The following CSMD1 variants were observed in gnomAD, a reference collection of about 807,000 sequenced individuals.
CSMD1 encodes the protein CUB and sushi domain-containing protein 1.
CSMD1 carries 213 observed loss-of-function variants against 417.5 expected under a neutral mutation model. The ratio of observed to expected loss-of-function variants is 0.51; its 90% confidence interval spans 0.46 to 0.57. CSMD1 has a LOEUF of 0.57. Ranked by LOEUF, CSMD1 falls within the 20% of genes least tolerant of loss-of-function variation. The pLI is 0.00. For synonymous variants in CSMD1, 2,862 were observed against 1,736.8 expected (o/e 1.65, Z -16.11); for missense variants, 6,923 against 4,529.7 (o/e 1.53, Z -15.17).
chr8:2,989,219 G>C (rs907668649), intron 54 of CSMD1, among the ~76,000 whole-genome samples: 3 of 152,102 alleles, frequency 2.0e-5, no homozygotes, highest in African/African-American at 7.2e-5. Flanking sequence ...AGGTTTTTGA[G>C]TTTTATGCCA....
intron 2 of CSMD1, among the ~76,000 whole-genome samples, chr8:4,553,114 G>A (rs763117344): frequency 5.3e-5 from 8 of 152,158 alleles, no homozygotes; most frequent in Non-Finnish European, 8.8e-5. Context: ...AGTTTTCGAG[G>A]TACCTATGAG....
chr8:3,752,511 G>A lies in CSMD1; in HGVS notation c.931+1419C>T, dbSNP rs553617753. Among the ~76,000 whole-genome samples, 13 of 151,638 alleles carry A rather than the reference G, an allele frequency of 8.6e-5. 1 individual carries two copies. The South Asian group carries it at 1.0e-3, about 12-fold the overall frequency. ...CTCTACTAAAAATACAAAATTAGCC[G>A]GGTGTGGTGGTCTGCACCTGTATTC... On this transcript the variant is annotated intron_variant, in intron 6 of 69. Coordinates refer to ENST00000635120, the MANE Select transcript of CSMD1 (RefSeq NM_033225.6).
intron 1 of CSMD1, among the ~76,000 whole-genome samples, chr8:4,757,320 A>G (rs949604659): frequency 3.9e-5 from 6 of 152,216 alleles, no homozygotes; most frequent in African/African-American, 9.6e-5. Flanking sequence ...CCTGGCTATC[A>G]TGTCTTGAAT....
At chr8:3,689,372 T>G (rs1312130379) in intron 7 of CSMD1, among the ~76,000 whole-genome samples, 1 of 152,250 alleles carries the variant, frequency 6.6e-6, no homozygotes, top group Non-Finnish European at 1.5e-5. Context: ...GCTGATGCCA[T>G]CAGAAATGCC....
intron 11 of CSMD1, among the ~76,000 whole-genome samples, chr8:3,471,357 G>C (rs1219125226): frequency 6.6e-6 from 1 of 152,058 alleles, no homozygotes; most frequent in South Asian, 2.1e-4. Context: ...ACCAGTCCTT[G>C]TCAGAAATTA....
chr8:4,760,634 G>A (rs79150251), intron 1 of CSMD1, among the ~76,000 whole-genome samples: 1 of 152,068 alleles, frequency 6.6e-6, no homozygotes, highest in Non-Finnish European at 1.5e-5. Context: ...CAATATTGTT[G>A]TATAAGTATG....
At position 3,093,019 on chromosome 8, in the gene CSMD1, C is replaced by G. The variant is rs975929139; in HGVS notation, c.7139-1357G>C. On this transcript the variant is annotated intron_variant, in intron 47 of 69. Transcript: ENST00000635120. ...ACCATACTCCACTCACCGTGTAACTCCCAATCAGAGCAGTTCTCATGATTT... is the reference window on the plus strand; with the variant it reads ...ACCATACTCCACTCACCGTGTAACTGCCAATCAGAGCAGTTCTCATGATTT... Among the ~76,000 whole-genome samples, 9 of 152,202 alleles carry G rather than the reference C, an allele frequency of 5.9e-5. No homozygotes were observed. In the East Asian group the frequency reaches 1.4e-3, roughly 23 times the overall value.
intron 3 of CSMD1, among the ~76,000 whole-genome samples, chr8:4,146,506 T>C (rs1270513132): frequency 6.7e-6 from 1 of 149,572 alleles, no homozygotes; most frequent in Non-Finnish European, 1.5e-5. Flanking sequence ...GACGTTGTGA[T>C]GTGCACAGTG....
intron 3 of CSMD1, among the ~76,000 whole-genome samples, chr8:4,196,272 T>C (rs1714767): frequency 0.98 from 149,993 of 152,302 alleles, 73,891 homozygotes; most frequent in Middle Eastern, 1. Flanking sequence ...CACTCTTTTG[T>C]GGTCATTGAG....
At position 4,005,114 on chromosome 8, in the gene CSMD1, T is replaced by C. The variant is rs187809931; in HGVS notation, c.611-7004A>G. On this transcript the variant is annotated intron_variant, in intron 4 of 69. Transcript: ENST00000635120. ...AGGATGCAAAGGAATAGGAATGATATAATGGACTTTGGAGATTTGGGGGGA... is the reference window on the plus strand; with the variant it reads ...AGGATGCAAAGGAATAGGAATGATACAATGGACTTTGGAGATTTGGGGGGA... 6.0e-4 allele frequency among the ~76,000 whole-genome samples: 91 copies of C among 152,106 alleles called. 1 individual carries two copies. The highest frequency in any genetic ancestry group is 2.0e-3 in the African/African-American group (81 of 41,464).
rs748617053 is a variant in CSMD1 at position 3,616,730 on chromosome 8, T to C, written c.1077A>G (p.Arg359=). The C allele has an allele frequency of 6.2e-7, 1 of 1,612,014 alleles. No individual in the cohort carries two copies. The highest frequency in any genetic ancestry group is 8.5e-7 in the Non-Finnish European group (1 of 1,178,610). Residue 359 remains arginine (R), a synonymous_variant, in exon 8 of 70, where the codon AGA becomes AGG. Coordinates refer to ENST00000635120, the MANE Select transcript of CSMD1 (RefSeq NM_033225.6). ...CTTACCTGAAGTCGGAACCTGCTCTTCTACCATTTTCTGGAATCCCAGGAT... is the reference window on the plus strand; with the variant it reads ...CTTACCTGAAGTCGGAACCTGCTCTCCTACCATTTTCTGGAATCCCAGGAT... The part of the protein sequence containing the change: ...CPDPGIPENG[R]RAGSDFRVGA...
chr8:3,806,519 G>T (rs1329043974), intron 5 of CSMD1, among the ~76,000 whole-genome samples: 1 of 152,102 alleles, frequency 6.6e-6, no homozygotes, highest in Non-Finnish European at 1.5e-5. Context: ...GGTGCTCTGT[G>T]CTTTGAGGCA....
chr8:3,640,925 T>C (rs1465978021), intron 7 of CSMD1, among the ~76,000 whole-genome samples: 3 of 151,984 alleles, frequency 2.0e-5, no homozygotes, highest in Non-Finnish European at 2.9e-5. Context: ...GCTTTGTCTT[T>C]ATTTGTGAGG....
chr8:3,263,933 C>T (rs539412469), intron 26 of CSMD1, among the ~76,000 whole-genome samples: 2 of 152,308 alleles, frequency 1.3e-5, no homozygotes, highest in South Asian at 4.1e-4. Flanking sequence ...AATGGTAACG[C>T]TAACATTTAA....
chr8:3,836,749 G>A (rs1450146300), intron 5 of CSMD1, among the ~76,000 whole-genome samples: 2 of 151,748 alleles, frequency 1.3e-5, no homozygotes, highest in African/African-American at 2.4e-5. Context: ...GAAATTCAGG[G>A]CAAAAAAATG....
At chr8:4,761,850 T>C (rs932054136) in intron 1 of CSMD1, among the ~76,000 whole-genome samples, 8 of 68,460 alleles carry the variant, frequency 1.2e-4, no homozygotes, top group East Asian at 4.9e-4. Context: ...TATCTATCTA[T>C]CTATCTATCT....
chr8:3,619,437 A>T (rs1246157530), intron 7 of CSMD1, among the ~76,000 whole-genome samples: 1 of 152,068 alleles, frequency 6.6e-6, no homozygotes, highest in African/African-American at 2.4e-5. Context: ...ATGGCCATTC[A>T]AAGGGTCGAA....
In CSMD1 at chr8:3,569,074, T is replaced by C. The variant is rs980493064; in HGVS notation, c.1344+5871A>G. ...ACATATTTATACATATCATATAATA[T>C]TACTTTGCATTGACTTTCTACCAGA... On this transcript the variant is annotated intron_variant, in intron 10 of 69. Transcript: ENST00000635120. Among the ~76,000 whole-genome samples, 5 of 152,172 alleles carry C rather than the reference T, an allele frequency of 3.3e-5. No individual in the cohort carries two copies. In the South Asian group the frequency reaches 1.0e-3, roughly 31 times the overall value.
intron 25 of CSMD1, among the ~76,000 whole-genome samples, chr8:3,303,423 CAT>C (rs1209186838): frequency 2.0e-5 from 3 of 152,222 alleles, no homozygotes; most frequent in Non-Finnish European, 2.9e-5. Flanking sequence ...CGTCAAACCA[CAT>C]GTTACCTTTT....
Sources: gnomAD v4.1 joint callset for allele counts (sites outside exome capture counted in the v4.1 genomes callset) on GRCh38, gnomAD v4.1.1 for gene constraint, MANE v1.5 for transcripts, NCBI Gene and HGNC (gene_info 2026-07-23, HGNC 2026-07-21) for gene names.